Variants in COL4A1 observed in about 807,000 individuals in gnomAD.
COL4A1 encodes the protein collagen alpha-1(IV) chain.
A neutral mutation model predicts 216.6 loss-of-function variants in COL4A1; 40 were observed. The ratio of observed to expected loss-of-function variants is 0.18; its 90% CI spans 0.14 to 0.24. The LOEUF is 0.24. Ranked by LOEUF, COL4A1 falls within the 10% of genes least tolerant of loss-of-function variation. The pLI, the probability that COL4A1 is intolerant of heterozygous loss-of-function variation, is 1.00. For synonymous variants in COL4A1, 839 were observed against 810.7 expected (o/e 1.03, Z -0.59); for missense variants, 1,628 against 2,196.8 (o/e 0.74, Z 5.18).
intron 1 of COL4A1, among the ~76,000 whole-genome samples, chr13:110,252,503 A>AAT (rs1882137709): frequency 2.0e-4 from 1 of 5,056 alleles, no homozygotes; most frequent in African/African-American, 2.3e-4. Context: ...TTATACGTAT[A>AAT]TATGTATTAT....
rs1343509424 is a variant in COL4A1 at position 110,287,973 on chromosome 13, T to C, written c.84+18971A>G. 3.3e-5 allele frequency among the ~76,000 whole-genome samples: 5 copies of C among 151,614 alleles called. No individual in the cohort carries two copies. In the East Asian group the frequency reaches 9.7e-4, roughly 29 times the overall value. ...AATTGGTGAATTCAAGAAGCCTGAG[T>C]GGTCTGGGCGCGGTGGCTCACGCCT... On this transcript the variant is annotated intron_variant, in intron 1 of 51. Coordinates refer to ENST00000375820, the MANE Select transcript of COL4A1 (RefSeq NM_001845.6).
intron 2 of COL4A1, among the ~76,000 whole-genome samples, chr13:110,228,042 T>A (rs989799990): frequency 6.6e-6 from 1 of 151,996 alleles, no homozygotes; most frequent in African/African-American, 2.4e-5. Context: ...GGGCAAGAGG[T>A]GCCCGGTGAC....
At chr13:110,165,495 T>C (rs1877294439) in intron 45 of COL4A1, among the ~76,000 whole-genome samples, 1 of 152,052 alleles carries the variant, frequency 6.6e-6, no homozygotes. Flanking sequence ...CCACACAAAG[T>C]GCGAGTTCCC....
At chr13:110,288,502 G>A (rs901348366) in intron 1 of COL4A1, among the ~76,000 whole-genome samples, 1 of 152,148 alleles carries the variant, frequency 6.6e-6, no homozygotes, top group African/African-American at 2.4e-5. Context: ...TAGAGCAACT[G>A]ACAGAATTGT....
intron 18 of COL4A1, among the ~76,000 whole-genome samples, chr13:110,201,882 T>G (rs1879266217): frequency 6.6e-6 from 1 of 152,182 alleles, no homozygotes; most frequent in African/African-American, 2.4e-5. Context: ...CTTGGGAGGC[T>G]GAGACGGGAG....
chr13:110,181,334 T>C lies in COL4A1; in HGVS notation c.2151A>G (p.Gly717=), dbSNP rs1878140330. The C allele has an allele frequency of 1.9e-6, 3 of 1,613,092 alleles. No homozygotes were observed. The highest frequency in any genetic ancestry group is 1.3e-5 in the African/African-American group (1 of 74,556). The change falls in exon 29 of 52, where the codon GGA becomes GGG. Residue 717 remains glycine (G), a synonymous_variant. Coordinates refer to ENST00000375820, the MANE Select transcript of COL4A1 (RefSeq NM_001845.6). ...CTGGGTTCCCAGGTAAGCCATTAAATCCCGGGCGACCTGGAGTCCCCGGTG... is the reference window on the plus strand; with the variant it reads ...CTGGGTTCCCAGGTAAGCCATTAAACCCCGGGCGACCTGGAGTCCCCGGTG... ...MGPPGTPGRP[G]FNGLPGNPGV... is the part of the protein sequence containing the mutation.
chr13:110,169,573 A>G, intron 43 of COL4A1, 56 bp downstream of exon 43: 2 of 1,610,208 alleles, frequency 1.2e-6, no homozygotes, highest in Non-Finnish European at 1.7e-6. Context: ...ACATATGAAT[A>G]CTTCTGGCCA....
intron 20 of COL4A1, among the ~76,000 whole-genome samples, chr13:110,199,150 G>A (rs1247112058): frequency 6.6e-6 from 1 of 152,228 alleles, no homozygotes; most frequent in Non-Finnish European, 1.5e-5. Context: ...CTGTAACTCT[G>A]TAAGGGTAAG....
intron 2 of COL4A1, among the ~76,000 whole-genome samples, chr13:110,230,846 G>A (rs773231654): frequency 9.9e-5 from 15 of 152,184 alleles, no homozygotes; most frequent in African/African-American, 3.1e-4. Context: ...GCCTCCAGCC[G>A]CCCGGAACCT....
At chr13:110,224,447 C>A (rs1880645582) in intron 2 of COL4A1, among the ~76,000 whole-genome samples, 1 of 152,158 alleles carries the variant, frequency 6.6e-6, no homozygotes, top group African/African-American at 2.4e-5. Context: ...CTTGGCCTCC[C>A]AAGTAGCTGG....
chr13:110,201,753 G>T (rs1044326162), intron 18 of COL4A1: 7 of 677,434 alleles, frequency 1.0e-5, no homozygotes, highest in Non-Finnish European at 1.9e-5. Context: ...GGAGGCTGAG[G>T]CAGGTGGATC....
At chr13:110,192,731 G>T in intron 23 of COL4A1, 99 bp downstream of exon 23, 2 of 1,039,744 alleles carry the variant, frequency 1.9e-6, no homozygotes, top group Non-Finnish European at 2.9e-6. Flanking sequence ...ATTGGCTGCC[G>T]AAAATCAGGC....
Position 110,176,674 on chromosome 13 carries a change from G to C in COL4A1, c.2920C>G (p.Pro974Ala). 1.2e-6 allele frequency: 2 copies of C among 1,614,174 alleles called. No individual in the cohort carries two copies. The highest frequency in any genetic ancestry group is 1.7e-6 in the Non-Finnish European group (2 of 1,180,034). ...TGCCCGTCCTTTCCAGGCACTCCTG[G>C]GGTCCCAGGGTCTCCTCGGGATCCC... ...EKGSRGDPGTPGVPGKDGQAG... is the reference protein window; with the variant it reads ...EKGSRGDPGTAGVPGKDGQAG... The change falls in exon 35 of 52, where the codon CCA becomes GCA. Residue 974 changes from proline (P) to alanine (A), a missense_variant. Pro to Ala is a conservative substitution (Grantham distance 27). Transcript: ENST00000375820.
Position 110,152,395 on chromosome 13 carries a change from T to TGCA in COL4A1, c.4864_4866dup (p.Cys1622dup). 1 of 1,614,192 alleles carries TGCA rather than the reference T, an allele frequency of 6.2e-7. No homozygotes were observed. The highest frequency in any genetic ancestry group is 2.2e-5 in the East Asian group (1 of 44,874). On this transcript the variant is annotated inframe_insertion, in exon 51 of 52. Transcript: ENST00000375820. ...AAGCTGTAAGCGTTTGCGTAGTAAT[T>TGCA]GCAGGTCCCACGGCCGTGACACTCG...
At chr13:110,208,065 G>A (rs901541950) in intron 12 of COL4A1, among the ~76,000 whole-genome samples, 30 of 152,370 alleles carry the variant, frequency 2.0e-4, no homozygotes, top group African/African-American at 6.5e-4. Flanking sequence ...TGTATTGGGC[G>A]CTCTGGTTGT....
chr13:110,259,408 A>G lies in COL4A1; in HGVS notation c.85-16674T>C, dbSNP rs190532751. ...ATTTCATTAACAATACTACTTAAAAAAAATTTTTAAGCGTGTCTACAAAAT... is the reference window on the plus strand; with the variant it reads ...ATTTCATTAACAATACTACTTAAAAGAAATTTTTAAGCGTGTCTACAAAAT... On this transcript the variant is annotated intron_variant, in intron 1 of 51. Transcript: ENST00000375820. 8.5e-5 allele frequency among the ~76,000 whole-genome samples: 13 copies of G among 152,378 alleles called. No individual in the cohort carries two copies. In the East Asian group the frequency reaches 2.5e-3, roughly 29 times the overall value.
At chr13:110,276,950 T>C (rs969523706) in intron 1 of COL4A1, among the ~76,000 whole-genome samples, 3 of 152,328 alleles carry the variant, frequency 2.0e-5, no homozygotes, top group African/African-American at 4.8e-5. Context: ...AGGCTTCTGA[T>C]TCCTTCCCAG....
At chr13:110,172,692 A>G (rs1292808042) in intron 41 of COL4A1, 28 bp downstream of exon 41, 1 of 1,610,536 alleles carries the variant, frequency 6.2e-7, no homozygotes, top group South Asian at 1.1e-5. Context: ...GTTGGTTGAA[A>G]AGGAAGAGCA....
intron 17 of COL4A1, 59 bp from the exon 18 acceptor site, chr13:110,203,666 A>G: frequency 6.3e-7 from 1 of 1,577,306 alleles, no homozygotes. Flanking sequence ...GTCTTGCAGA[A>G]AGCAGATTAA....
Sources: gnomAD v4.1 joint callset for allele counts (sites outside exome capture counted in the v4.1 genomes callset) on GRCh38, gnomAD v4.1.1 for gene constraint, MANE v1.5 for transcripts, NCBI Gene and HGNC (gene_info 2026-07-23, HGNC 2026-07-21) for gene names.